The following NOTCH1 variants were observed in gnomAD, a reference collection of about 807,000 sequenced individuals.
NOTCH1 encodes neurogenic locus notch homolog protein 1.
Under a neutral mutation model 254.8 loss-of-function variants are expected in NOTCH1, and 37 were observed. The observed-to-expected ratio is 0.15, with a 90% CI of 0.11 to 0.19. The LOEUF (loss-of-function observed/expected upper bound fraction) is 0.19, where lower values mean the gene tolerates loss of function less well. Among genes scored for constraint, NOTCH1 ranks in the 10% least tolerant of loss-of-function variants. NOTCH1 has a pLI of 1.00. For synonymous variants in NOTCH1, 1,731 were observed against 1,618.1 expected, an observed-to-expected ratio of 1.07 and a Z score of -1.68; for missense variants, 2,972 against 3,708.6, an observed-to-expected ratio of 0.80 and a Z score of 5.16.
At chr9:136,510,607 G>A (rs1284357219) in intron 17 of NOTCH1, 46 bp downstream of exon 17, 4 of 1,583,436 alleles carry the variant, frequency 2.5e-6, no homozygotes, top group South Asian at 1.1e-5. Context: ...GGGGAACTGA[G>A]GCCTGAGAGC....
At position 136,522,727 on chromosome 9, in the gene NOTCH1, G is replaced by A. The variant is rs542515411; in HGVS notation, c.742+123C>T. The A allele has an allele frequency of 2.6e-5, 25 of 961,346 alleles. No homozygotes were observed. The African/African-American group carries it at 3.5e-4, about 14-fold the overall frequency. 59.6% of individuals were successfully genotyped at this position (961,346 alleles called of 1,614,324 possible). A position where few individuals can be genotyped will look rare whatever the true frequency, so the allele number is the denominator to read the frequency against. On this transcript the variant is annotated intron_variant, in intron 4 of 33. Coordinates refer to ENST00000651671, the MANE Select transcript of NOTCH1 (RefSeq NM_017617.5). Reference sequence around the variant, plus strand: ...CGCAGTCTGGGGAACTCGCCATCCCGCCTTCCCAACTCCCCGCCATGGGCC... The same window carrying A: ...CGCAGTCTGGGGAACTCGCCATCCCACCTTCCCAACTCCCCGCCATGGGCC...
In NOTCH1 at chr9:136,497,665, T is replaced by TG. The variant is rs1210788397; in HGVS notation, c.6181-108dup. 6 of 931,524 alleles carry TG rather than the reference T, an allele frequency of 6.4e-6. No homozygotes were observed. The African/African-American group carries it at 1.0e-4, about 15-fold the overall frequency. The allele number at this position is 931,524 out of a possible 1,614,324, so 57.7% of individuals were successfully genotyped here. A position where few individuals can be genotyped will look rare whatever the true frequency, so the allele number is the denominator to read the frequency against. The stretch of plus-strand genomic sequence containing the variant: ...CAGCAGTACAACCTCCTCCGCGGGG[T>TG]GGGGGCAGGCAGGCTGCTCCTCAGG... On this transcript the variant is annotated intron_variant, in intron 33 of 33. Coordinates refer to ENST00000651671, the MANE Select transcript of NOTCH1 (RefSeq NM_017617.5).
At chr9:136,512,129 C>T (rs922693790) in intron 15 of NOTCH1, among the ~76,000 whole-genome samples, 9 of 152,208 alleles carry the variant, frequency 5.9e-5, no homozygotes, top group Non-Finnish European at 1.0e-4. Flanking sequence ...GGGTCAGCAC[C>T]GCCGCTCCTC....
rs537566837 is a variant in NOTCH1, at chr9:136,522,490, G to A, written c.742+360C>T. 19 of 283,214 alleles carry A rather than the reference G, an allele frequency of 6.7e-5. No individual in the cohort carries two copies. In the South Asian group the frequency reaches 1.5e-3, roughly 22 times the overall value. 17.5% of individuals were successfully genotyped at this position (283,214 alleles called of 1,614,324 possible). A position where few individuals can be genotyped will look rare whatever the true frequency, so the allele number is the denominator to read the frequency against. The stretch of plus-strand genomic sequence containing the variant: ...TGGCTTGGGAAGTGATGGTGCCCCC[G>A]CAGCTCCCACGCCCTCTCCGGCCCC... On this transcript the variant is annotated intron_variant, in intron 4 of 33. Coordinates refer to ENST00000651671, the MANE Select transcript of NOTCH1 (RefSeq NM_017617.5).
intron 21 of NOTCH1, among the ~76,000 whole-genome samples, chr9:136,507,655 G>A (rs577309166): frequency 2.0e-5 from 3 of 152,140 alleles, no homozygotes; most frequent in African/African-American, 7.2e-5. Flanking sequence ...GGGGTGGGTG[G>A]ACCCCGTCCC....
chr9:136,500,679 G>C lies in NOTCH1; in HGVS notation c.5807C>G (p.Ala1936Gly), dbSNP rs2133326044. 1 of 1,611,316 alleles carries C rather than the reference G, an allele frequency of 6.2e-7. No individual in the cohort carries two copies. Among genetic ancestry groups the C allele is most frequent in the Non-Finnish European group, 8.5e-7 (1 of 1,179,920 alleles). Residue 1936 changes from alanine to glycine, a missense_variant, in exon 31 of 34, where the codon GCC (alanine) becomes GGC (glycine). Around this residue, in one of 8 missense-constraint regions of NOTCH1, gnomAD observed 421 missense variants for 604.4 expected, o/e 0.70. Coordinates refer to ENST00000651671, the MANE Select transcript of NOTCH1 (RefSeq NM_017617.5). ...RTGETALHLA[A>G]RYSRSDAAKR... ...GGCGGCATCAGAGCGTGAGTAGCGGGCGGCCAGGTGCAAGGCGGTCTCGCC... is the reference window on the plus strand; with the variant it reads ...GGCGGCATCAGAGCGTGAGTAGCGGCCGGCCAGGTGCAAGGCGGTCTCGCC...
At chr9:136,526,695 G>A (rs1036893960) in intron 2 of NOTCH1, among the ~76,000 whole-genome samples, 3 of 152,322 alleles carry the variant, frequency 2.0e-5, no homozygotes, top group East Asian at 1.9e-4. Context: ...CACCCTGAGC[G>A]CGGACCCCAA....
intron 15 of NOTCH1, among the ~76,000 whole-genome samples, chr9:136,512,193 G>A (rs571032444): frequency 6.6e-6 from 1 of 152,386 alleles, no homozygotes; most frequent in Non-Finnish European, 1.5e-5. Flanking sequence ...GCCGTGGAGG[G>A]AGGGTCCTCA....
At chr9:136,524,242 G>T (rs1157805597) in intron 2 of NOTCH1, among the ~76,000 whole-genome samples, 1 of 152,206 alleles carries the variant, frequency 6.6e-6, no homozygotes, top group Non-Finnish European at 1.5e-5. Context: ...GGAGGCAGAG[G>T]TTGCAGTGAG....
At chr9:136,534,391 C>T (rs1472882171) in intron 2 of NOTCH1, among the ~76,000 whole-genome samples, 1 of 152,228 alleles carries the variant, frequency 6.6e-6, no homozygotes, top group Non-Finnish European at 1.5e-5. Flanking sequence ...GGGTCGACAT[C>T]TGATGACAAA....
At position 136,515,417 on chromosome 9, in the gene NOTCH1, T is replaced by G. The variant is rs764534604; in HGVS notation, c.1904-17A>C. On this transcript the variant is annotated splice_polypyrimidine_tract_variant and intron_variant, in intron 11 of 33. Coordinates refer to ENST00000651671, the MANE Select transcript of NOTCH1 (RefSeq NM_017617.5). Reference sequence around the variant, plus strand: ...AGTTGGGTCCTGAAGGGGTGGCACGTGTCGGTCAGTCCTCAGGCCCGCCCT... The same window carrying G: ...AGTTGGGTCCTGAAGGGGTGGCACGGGTCGGTCAGTCCTCAGGCCCGCCCT... 9.9e-6 allele frequency: 16 copies of G among 1,612,480 alleles called. No individual in the cohort carries two copies. In the Admixed American group the frequency reaches 2.7e-4, roughly 27 times the overall value.
chr9:136,523,569 G>A (rs1843410286), intron 3 of NOTCH1, 148 bp downstream of exon 3: 1 of 1,013,940 alleles, frequency 9.9e-7, no homozygotes, highest in African/African-American at 1.6e-5. Flanking sequence ...CCAGGTCTGG[G>A]AGGGGGGCAG....
Position 136,532,922 on chromosome 9 carries a change from G to A in NOTCH1, c.141-8943C>T, listed in dbSNP as rs905051727. On this transcript the variant is annotated intron_variant, in intron 2 of 33. Transcript: ENST00000651671. ...GAGCCAAGCCTTCCAGTCACCTGCA[G>A]CCACCCACCTGCCTCCACCTCCATT... Among the ~76,000 whole-genome samples, 3 of 152,188 alleles carry A rather than the reference G, an allele frequency of 2.0e-5. 1 individual carries two copies. The highest frequency in any genetic ancestry group is 4.4e-5 in the Non-Finnish European group (3 of 68,018).
chr9:136,502,157 CG>C, intron 28 of NOTCH1, 69 bp from the exon 29 acceptor site: 8 of 1,600,392 alleles, frequency 5.0e-6, no homozygotes, highest in Non-Finnish European at 6.8e-6. Context: ...ACCCCTGGCC[CG>C]GGCCTGGCGT....
Position 136,515,927 on chromosome 9 carries a change from T to C in NOTCH1, c.1669+54A>G, listed in dbSNP as rs1589066654. 3 of 1,435,702 alleles carry C rather than the reference T, an allele frequency of 2.1e-6. 1 individual carries two copies. In the South Asian group the frequency reaches 3.5e-5, roughly 17 times the overall value. 88.9% of individuals were successfully genotyped at this position (1,435,702 alleles called of 1,614,324 possible). ...CATGACCTTGTCAGTTTCACTGCCCTGAGTGCCCTGTCCCGTCCCCAGTCC... is the reference window on the plus strand; with the variant it reads ...CATGACCTTGTCAGTTTCACTGCCCCGAGTGCCCTGTCCCGTCCCCAGTCC... On this transcript the variant is annotated intron_variant, in intron 10 of 33. Transcript: ENST00000651671.
rs371071658 is a variant in NOTCH1 at position 136,501,829 on chromosome 9, G to T, written c.5557C>A (p.Leu1853Met). ...WTQQHLDAAD[L>M]RMSAMAPTPP... ...GTGGGGGCCATGGCAGACATGCGCA[G>T]GTCAGCGGCATCCAGGTGCTGCTGA... The change falls in exon 30 of 34, where the codon CTG becomes ATG. Residue 1853 changes from leucine (L) to methionine (M), a missense_variant. Leu to Met is a conservative substitution (Grantham distance 15). Coordinates refer to ENST00000651671, the MANE Select transcript of NOTCH1 (RefSeq NM_017617.5). The T allele has an allele frequency of 6.2e-7, 1 of 1,612,760 alleles. No homozygotes were observed.
chr9:136,501,382 C>T (rs765120353), intron 30 of NOTCH1, among the ~76,000 whole-genome samples: 9 of 150,008 alleles, frequency 6.0e-5, no homozygotes, highest in Non-Finnish European at 8.9e-5. Flanking sequence ...TGCAGGGAGC[C>T]GAGATCGTGC....
intron 2 of NOTCH1, among the ~76,000 whole-genome samples, chr9:136,527,316 C>T (rs1380239278): frequency 6.6e-6 from 1 of 152,242 alleles, no homozygotes; most frequent in African/African-American, 2.4e-5. Context: ...AGCCTGTGAG[C>T]AAATCCTTCA....
chr9:136,502,589 C>A, intron 27 of NOTCH1, 101 bp from the exon 28 acceptor site: 1 of 662,470 alleles, frequency 1.5e-6, no homozygotes, highest in South Asian at 2.0e-5. Flanking sequence ...CGTCCGGGCG[C>A]CTCCTCACCC....
Sources: allele counts gnomAD v4.1 joint callset (sites outside exome capture counted in the v4.1 genomes callset), GRCh38; gene constraint gnomAD v4.1.1; regional missense constraint gnomAD v4.1.1; transcripts MANE v1.5; gene names NCBI Gene and HGNC (gene_info 2026-07-23, HGNC 2026-07-21).